ASAP1: variants seen among roughly 807,000 people sequenced by gnomAD.
ASAP1 encodes the protein arf-GAP with SH3 domain, ANK repeat and PH domain-containing protein 1.
Under a neutral mutation model 145.2 loss-of-function variants are expected in ASAP1, and 43 were observed. The ratio of observed to expected loss-of-function variants is 0.30; its 90% confidence interval spans 0.23 to 0.38. The LOEUF (loss-of-function observed/expected upper bound fraction) is 0.38. ASAP1 is among the 10% of genes least tolerant of loss of function. ASAP1 has a pLI of 1.00. For synonymous variants in ASAP1, 546 were observed against 515.5 expected, an observed-to-expected ratio of 1.06 and a Z score of -0.80; for missense variants, 1,018 against 1,355.3, an observed-to-expected ratio of 0.75 and a Z score of 3.91.
chr8:130,118,378 T>C (rs576436306), intron 19 of ASAP1, 111 bp downstream of exon 19: 63 of 1,365,032 alleles, frequency 4.6e-5, no homozygotes, highest in African/African-American at 4.1e-4. Context: ...GATTTAGACA[T>C]GGCCACCCAA....
chr8:130,348,847 T>C (rs1825838878), intron 3 of ASAP1, among the ~76,000 whole-genome samples: 1 of 152,162 alleles, frequency 6.6e-6, no homozygotes, highest in Non-Finnish European at 1.5e-5. Flanking sequence ...TCCCCACAAA[T>C]GACCACAATC....
Position 130,110,198 on chromosome 8 carries a change from G to C in ASAP1, c.2401+1896C>G, listed in dbSNP as rs182631611. Among the ~76,000 whole-genome samples, 188 of 152,270 alleles carry C rather than the reference G, an allele frequency of 1.2e-3. 2 individuals are homozygous for C. Among genetic ancestry groups the C allele is most frequent in the Non-Finnish European group, 5.9e-4 (40 of 67,998 alleles). On this transcript the variant is annotated intron_variant, in intron 24 of 29. Transcript: ENST00000518721. The stretch of plus-strand genomic sequence containing the variant: ...CCCCCTTGAGATAAAATTACAGAAG[G>C]GGGTGGAGGGAAATGAGGGGGTCTC...
intron 1 of ASAP1, among the ~76,000 whole-genome samples, chr8:130,415,614 C>T (rs144469993): frequency 6.6e-6 from 1 of 152,054 alleles, no homozygotes; most frequent in African/African-American, 2.4e-5. Flanking sequence ...ATGGTGAAAC[C>T]CCATTTCTAC....
intron 25 of ASAP1, among the ~76,000 whole-genome samples, chr8:130,089,437 C>G (rs1334016990): frequency 6.6e-6 from 1 of 152,104 alleles, no homozygotes; most frequent in Non-Finnish European, 1.5e-5. Context: ...TCTCACAGTT[C>G]AAAGGCCCTG....
chr8:130,293,932 C>A (rs1586770695), intron 3 of ASAP1, among the ~76,000 whole-genome samples: 1 of 152,182 alleles, frequency 6.6e-6, no homozygotes, highest in African/African-American at 2.4e-5. Context: ...AACAGACTTT[C>A]CTCCTGCCAC....
chr8:130,351,283 C>T (rs1825977651), intron 3 of ASAP1, among the ~76,000 whole-genome samples: 1 of 152,162 alleles, frequency 6.6e-6, no homozygotes. Context: ...GCATTCAGAG[C>T]CCAAGTCTAC....
chr8:130,358,863 G>C lies in ASAP1; in HGVS notation c.60-720C>G, dbSNP rs1488446048. Among the ~76,000 whole-genome samples the C allele has an allele frequency of 3.3e-5, 5 of 151,878 alleles. No individual in the cohort carries two copies. Among genetic ancestry groups the C allele is most frequent in the Non-Finnish European group, 7.4e-5 (5 of 67,946 alleles). ...AAGCCCGAGTCCCTGGTTCGCCCCC[G>C]GAGCGGTTACTTCAGCGAGCTCGTT... is the stretch of plus-strand genomic sequence containing the variant. On this transcript the variant is annotated intron_variant, in intron 2 of 29. Transcript: ENST00000518721. The surrounding 1 kb of genome is among the most constrained non-coding windows in gnomAD (Gnocchi z 4.1).
At chr8:130,349,172 G>C (rs781763420) in intron 3 of ASAP1, among the ~76,000 whole-genome samples, 42 of 152,228 alleles carry the variant, frequency 2.8e-4, no homozygotes, top group Non-Finnish European at 3.8e-4. Context: ...TTGACAGTCT[G>C]CTTCAGATCA....
At chr8:130,091,090 G>A (rs1361007760) in intron 25 of ASAP1, among the ~76,000 whole-genome samples, 1 of 152,222 alleles carries the variant, frequency 6.6e-6, no homozygotes, top group Non-Finnish European at 1.5e-5. Flanking sequence ...TTTGTCATGT[G>A]CAGTCAATGT....
chr8:130,095,659 C>A (rs1436521907), intron 24 of ASAP1, among the ~76,000 whole-genome samples: 1 of 150,034 alleles, frequency 6.7e-6, no homozygotes, highest in African/African-American at 2.5e-5. Flanking sequence ...TACTCTGTCA[C>A]CCAGGTTGGA....
intron 4 of ASAP1, among the ~76,000 whole-genome samples, chr8:130,232,765 A>T (rs1159038011): frequency 1.3e-5 from 2 of 152,238 alleles, no homozygotes; most frequent in African/African-American, 4.8e-5. Context: ...AAGCTGAGTG[A>T]TTGGTAATCT....
At chr8:130,244,104 C>G (rs909726055) in intron 3 of ASAP1, among the ~76,000 whole-genome samples, 18 of 152,078 alleles carry the variant, frequency 1.2e-4, no homozygotes, top group African/African-American at 3.9e-4. Context: ...GTATAGATCA[C>G]CCTGTTGTAA....
intron 3 of ASAP1, among the ~76,000 whole-genome samples, chr8:130,271,128 C>T (rs1406361935): frequency 1.3e-5 from 2 of 152,236 alleles, no homozygotes; most frequent in African/African-American, 2.4e-5. Context: ...CTGCAAGCAA[C>T]AAATCCTTCT....
chr8:130,333,982 G>A (rs1430233920), intron 3 of ASAP1, among the ~76,000 whole-genome samples: 1 of 152,224 alleles, frequency 6.6e-6, no homozygotes, highest in African/African-American at 2.4e-5. Context: ...TTCTAATGGG[G>A]ACTGGGGAAC....
chr8:130,315,189 G>A (rs544407622), intron 3 of ASAP1, among the ~76,000 whole-genome samples: 90 of 152,210 alleles, frequency 5.9e-4, no homozygotes, highest in African/African-American at 2.1e-3. Flanking sequence ...AAAATAGTAG[G>A]CAGTCCCAAA....
chr8:130,395,448 C>T (rs1828483168), intron 2 of ASAP1, among the ~76,000 whole-genome samples: 1 of 152,146 alleles, frequency 6.6e-6, no homozygotes, highest in Admixed American at 6.5e-5. Context: ...TGACTGCTGT[C>T]CTTGTAAGAG....
intron 3 of ASAP1, among the ~76,000 whole-genome samples, chr8:130,295,108 T>C (rs769443918): frequency 5.3e-4 from 79 of 150,090 alleles, no homozygotes; most frequent in Non-Finnish European, 1.1e-3. Context: ...TACAAAATAA[T>C]AAATAAATGA....
At chr8:130,319,579 ACTGGC>A (rs1823875852) in intron 3 of ASAP1, among the ~76,000 whole-genome samples, 1 of 152,232 alleles carries the variant, frequency 6.6e-6, no homozygotes, top group Non-Finnish European at 1.5e-5. Flanking sequence ...GATGGGACAC[ACTGGC>A]ATCCACTGGT....
chr8:130,112,525 A>G (rs1313155152), intron 23 of ASAP1: 3 of 520,434 alleles, frequency 5.8e-6, no homozygotes, highest in Non-Finnish European at 1.0e-5. Context: ...GTTCACCACT[A>G]TGAATAATCA....
Sources: gnomAD v4.1 joint callset for allele counts (sites outside exome capture counted in the v4.1 genomes callset) on GRCh38, gnomAD v4.1.1 for gene constraint, Gnocchi (gnomAD v3.1) non-coding constraint, MANE v1.5 for transcripts, NCBI Gene and HGNC (gene_info 2026-07-23, HGNC 2026-07-21) for gene names.